U2AF2: variants seen among roughly 807,000 people sequenced by gnomAD.
The protein encoded by U2AF2 is splicing factor U2AF 65 kDa subunit.
U2AF2 carries 6 observed loss-of-function variants against 52.6 expected under a neutral mutation model. That is an observed-to-expected ratio of 0.11 (90% CI 0.06 to 0.23). U2AF2 has a LOEUF of 0.23. U2AF2 is among the 10% of genes least tolerant of loss of function. The pLI is 1.00. For synonymous variants in U2AF2, 284 were observed against 258.2 expected (o/e 1.10, Z -0.96); for missense variants, 222 against 677.1 (o/e 0.33, Z 7.46).
At chr19:55,662,135 C>T (rs1181651018) in intron 5 of U2AF2, 2 of 183,654 alleles carry the variant, frequency 1.1e-5, no homozygotes, top group South Asian at 2.2e-4. Flanking sequence ...TGCTCTGTCT[C>T]TTCATCTCTT....
intron 5 of U2AF2, chr19:55,661,465 C>T (rs905830371): frequency 2.4e-6 from 1 of 410,888 alleles, no homozygotes. Flanking sequence ...CGTGTTGTAC[C>T]TACGTGTCGG....
intron 5 of U2AF2, 28 bp from the exon 6 acceptor site, chr19:55,662,474 C>G: frequency 7.6e-7 from 1 of 1,319,620 alleles, no homozygotes; most frequent in Non-Finnish European, 1.1e-6. Flanking sequence ...TCCCCCGCCC[C>G]CCCCCTTGTC....
intron 5 of U2AF2, 124 bp downstream of exon 5, chr19:55,661,313 C>G (rs1984175478): frequency 1.8e-6 from 2 of 1,130,776 alleles, no homozygotes; most frequent in Middle Eastern, 3.1e-4. Context: ...CCCCGGCCCC[C>G]TCCCAGACGG....
At position 55,662,484 on chromosome 19, in the gene U2AF2, C is replaced by T. The variant is rs773590038; in HGVS notation, c.487-18C>T. The T allele has an allele frequency of 1.8e-5, 11 of 608,936 alleles. No homozygotes were observed. Among genetic ancestry groups the T allele is most frequent in the Admixed American group, 1.3e-4 (6 of 45,332 alleles). 37.7% of individuals were successfully genotyped at this position (608,936 alleles called of 1,614,324 possible). A position where few individuals can be genotyped will look rare whatever the true frequency, so the allele number is the denominator to read the frequency against. On this transcript the variant is annotated intron_variant, in intron 5 of 11. Coordinates refer to ENST00000308924, the MANE Select transcript of U2AF2 (RefSeq NM_007279.3). ...TCCCTTCCCCCGCCCCCCCCCTTGT[C>T]TCCTATTCCCTCTGCAGGAGGCCAT...
At chr19:55,666,996 C>G (rs576038196) in intron 7 of U2AF2, among the ~76,000 whole-genome samples, 1 of 152,320 alleles carries the variant, frequency 6.6e-6, no homozygotes, top group South Asian at 2.1e-4. Context: ...GAAAGTCTTA[C>G]AGGATGCCTG....
chr19:55,666,767 G>A (rs779807282), intron 7 of U2AF2, among the ~76,000 whole-genome samples: 21 of 152,204 alleles, frequency 1.4e-4, no homozygotes, highest in Admixed American at 1.3e-3. Context: ...GCTCTGTGTT[G>A]CTCAAGTGAG....
At chr19:55,669,374 G>GCCTA in intron 10 of U2AF2, 70 bp from the exon 11 acceptor site, 2 of 1,552,508 alleles carry the variant, frequency 1.3e-6, no homozygotes, top group Non-Finnish European at 8.7e-7. Flanking sequence ...CATGTGAGGG[G>GCCTA]CCTAGGCTTG....
Position 55,657,811 on chromosome 19 carries a change from G to A in U2AF2, c.50-1399G>A, listed in dbSNP as rs3786651. 9.9e-4 allele frequency among the ~76,000 whole-genome samples: 150 copies of A among 152,236 alleles called. 2 individuals are homozygous for A. In the East Asian group the frequency reaches 0.025, roughly 25 times the overall value. Reference sequence around the variant, plus strand: ...CTGATGTCAGAGTGTTTAAATTCTGGTGTCACCATTTCCTAGCTGTTTGAC... The same window carrying A: ...CTGATGTCAGAGTGTTTAAATTCTGATGTCACCATTTCCTAGCTGTTTGAC... On this transcript the variant is annotated intron_variant, in intron 1 of 11. Coordinates refer to ENST00000308924, the MANE Select transcript of U2AF2 (RefSeq NM_007279.3).
Position 55,670,265 on chromosome 19 carries a change from C to T in U2AF2, c.1293+573C>T, listed in dbSNP as rs150131568. On this transcript the variant is annotated intron_variant, in intron 11 of 11. Coordinates refer to ENST00000308924, the MANE Select transcript of U2AF2 (RefSeq NM_007279.3). ...CTCTGCTAAGTCCTGTCACCTCCAG[C>T]GCCGTGACAGGTGTAATCACCTCAC... Among the ~76,000 whole-genome samples, 694 of 152,142 alleles carry T rather than the reference C, an allele frequency of 4.6e-3. 9 individuals carry two copies. The highest frequency in any genetic ancestry group is 0.016 in the African/African-American group (669 of 41,484).
rs771167810 is a variant in U2AF2, at chr19:55,669,317, G to A, written c.1045-127G>A. 4.4e-5 allele frequency: 68 copies of A among 1,542,094 alleles called. No individual in the cohort carries two copies. The Middle Eastern group carries it at 5.2e-4, about 12-fold the overall frequency. On this transcript the variant is annotated intron_variant, in intron 10 of 11. Transcript: ENST00000308924. Reference sequence around the variant, plus strand: ...GCATTCAGTGCAGTGTTGGGGAGTCGGGCTTTAGGTGTTGGAAGTGGAGAG... The same window carrying A: ...GCATTCAGTGCAGTGTTGGGGAGTCAGGCTTTAGGTGTTGGAAGTGGAGAG...
chr19:55,663,674 A>G lies in U2AF2; in HGVS notation c.672A>G (p.Leu224=), dbSNP rs368338326. Reference sequence around the variant, plus strand: ...GCATCATCTTCCAGGGCCAGTCACTAAAGATCCGCAGGCCTCACGACTACC... The same window carrying G: ...GCATCATCTTCCAGGGCCAGTCACTGAAGATCCGCAGGCCTCACGACTACC... The part of the protein sequence containing the change: ...FDGIIFQGQS[L]KIRRPHDYQP... Residue 224 remains leucine (L), a synonymous_variant, in exon 7 of 12, where the codon CTA becomes CTG. Coordinates refer to ENST00000308924, the MANE Select transcript of U2AF2 (RefSeq NM_007279.3). 3 of 1,614,014 alleles carry G rather than the reference A, an allele frequency of 1.9e-6. No individual in the cohort carries two copies. The African/African-American group carries it at 4.0e-5, about 22-fold the overall frequency.
At chr19:55,670,640 A>G (rs1984857062) in intron 11 of U2AF2, 2 of 245,456 alleles carry the variant, frequency 8.1e-6, no homozygotes, top group South Asian at 8.2e-5. Context: ...GTCAAGGTCA[A>G]GAGGTGGCAG....
chr19:55,656,455 C>G (rs772149442), intron 1 of U2AF2, among the ~76,000 whole-genome samples: 1 of 152,182 alleles, frequency 6.6e-6, no homozygotes, highest in Non-Finnish European at 1.5e-5. Flanking sequence ...GTTTAGATAC[C>G]TGCTTTGTCG....
chr19:55,667,219 C>A (rs889100240), intron 7 of U2AF2, among the ~76,000 whole-genome samples: 12 of 152,148 alleles, frequency 7.9e-5, no homozygotes, highest in African/African-American at 2.9e-4. Context: ...GGGGCATCTC[C>A]CCTCCTTCCA....
At chr19:55,663,476 C>A in intron 6 of U2AF2, 130 bp from the exon 7 acceptor site, 2 of 1,413,682 alleles carry the variant, frequency 1.4e-6, no homozygotes, top group African/African-American at 2.9e-5. Flanking sequence ...TCCCAGTGCC[C>A]AGCCTGGGGC....
At chr19:55,665,551 C>T (rs1984495822) in intron 7 of U2AF2, among the ~76,000 whole-genome samples, 1 of 151,612 alleles carries the variant, frequency 6.6e-6, no homozygotes, top group Admixed American at 6.6e-5. Context: ...CAGGGATTGG[C>T]GCTGTCCTAA....
chr19:55,663,906 C>G (rs938421868), intron 7 of U2AF2, 162 bp downstream of exon 7: 2 of 1,065,352 alleles, frequency 1.9e-6, no homozygotes, highest in African/African-American at 3.2e-5. Context: ...GTGGGGTGCT[C>G]TCCTGCTGGT....
Position 55,674,336 on chromosome 19 carries a change from GGGGACAGGGT to G in U2AF2, c.*270_*279del, listed in dbSNP as rs1482227041. On this transcript the variant is annotated 3_prime_UTR_variant, in exon 12 of 12. Coordinates refer to ENST00000308924, the MANE Select transcript of U2AF2 (RefSeq NM_007279.3). ...AGACACAGAGGGAAGGGGTTGGGATGGGGACAGGGTGCACAGCAGGGCGGGGTAGGACCCC... is the reference window on the plus strand; with the variant it reads ...AGACACAGAGGGAAGGGGTTGGGATGGCACAGCAGGGCGGGGTAGGACCCC... 5 of 450,572 alleles carry G rather than the reference GGGGACAGGGT, an allele frequency of 1.1e-5. No individual in the cohort carries two copies. The highest frequency in any genetic ancestry group is 1.6e-5 in the Non-Finnish European group (4 of 248,484). 27.9% of individuals were successfully genotyped at this position (450,572 alleles called of 1,614,324 possible). A position where few individuals can be genotyped will look rare whatever the true frequency, so the allele number is the denominator to read the frequency against.
rs559766320 is a variant in U2AF2 at position 55,661,601 on chromosome 19, C to T, written c.486+412C>T. Among the ~76,000 whole-genome samples the T allele has an allele frequency of 7.8e-4, 119 of 151,636 alleles. 1 individual carries two copies. The highest frequency in any genetic ancestry group is 3.4e-4 in the Non-Finnish European group (23 of 67,892). ...GCCTCTCGTTCTCTGCCGCCTGTCCCCTATCCTCTCCCCCACGTCCCTCCC... is the reference window on the plus strand; with the variant it reads ...GCCTCTCGTTCTCTGCCGCCTGTCCTCTATCCTCTCCCCCACGTCCCTCCC... On this transcript the variant is annotated intron_variant, in intron 5 of 11. Coordinates refer to ENST00000308924, the MANE Select transcript of U2AF2 (RefSeq NM_007279.3).
Sources: gnomAD v4.1 joint callset for allele counts (sites outside exome capture counted in the v4.1 genomes callset) on GRCh38, gnomAD v4.1.1 for gene constraint, MANE v1.5 for transcripts, NCBI Gene and HGNC (gene_info 2026-07-23, HGNC 2026-07-21) for gene names.